DUSP14: variants seen among roughly 807,000 people sequenced by gnomAD.
DUSP14 encodes dual specificity phosphatase 14.
Under a neutral mutation model 13.2 loss-of-function variants are expected in DUSP14, and 5 were observed. The observed-to-expected ratio is 0.38, with a 90% CI of 0.20 to 0.80. The LOEUF is 0.80. Ranked by LOEUF, DUSP14 falls within the 30% of genes least tolerant of loss-of-function variation. DUSP14 has a pLI of 0.44. For synonymous variants in DUSP14, 91 were observed against 103.4 expected, an observed-to-expected ratio of 0.88 and a Z score of 0.73; for missense variants, 185 against 264.0, an observed-to-expected ratio of 0.70 and a Z score of 2.07.
intron 1 of DUSP14, among the ~76,000 whole-genome samples, chr17:37,499,771 C>T (rs2054093455): frequency 6.6e-6 from 1 of 152,128 alleles, no homozygotes; most frequent in Non-Finnish European, 1.5e-5. Context: ...CTCAGGTGAT[C>T]CACTCACCTC....
intron 1 of DUSP14, among the ~76,000 whole-genome samples, chr17:37,493,019 ATG>A (rs892925742): frequency 2.0e-5 from 3 of 151,926 alleles, no homozygotes; most frequent in Admixed American, 1.3e-4. Context: ...ATGTGTATGT[ATG>A]TGTGTGTGTA....
chr17:37,509,297 A>AGTGT (rs71135737), intron 1 of DUSP14, among the ~76,000 whole-genome samples: 472 of 26,522 alleles, frequency 0.018, 10 homozygotes, highest in Middle Eastern at 0.048. Flanking sequence ...ATATATATAT[A>AGTGT]GTGTGTGTGT....
At chr17:37,509,139 A>ATATATATATATG (rs1568204473) in intron 1 of DUSP14, among the ~76,000 whole-genome samples, 4 of 63,048 alleles carry the variant, frequency 6.3e-5, no homozygotes, top group African/African-American at 1.5e-4. Flanking sequence ...ACACACACAC[A>ATATATATATATG]CACACACACA....
intron 1 of DUSP14, among the ~76,000 whole-genome samples, chr17:37,506,254 G>C (rs1033987473): frequency 6.6e-6 from 1 of 151,666 alleles, no homozygotes; most frequent in Non-Finnish European, 1.5e-5. Flanking sequence ...GACAGAGAGA[G>C]ACTCCATCTC....
At chr17:37,496,059 C>T (rs1172324332) in intron 1 of DUSP14, among the ~76,000 whole-genome samples, 1 of 152,126 alleles carries the variant, frequency 6.6e-6, no homozygotes, top group Non-Finnish European at 1.5e-5. Context: ...AGAATTTTGC[C>T]AATTTAGCTA....
chr17:37,509,276 TATATATATATATATATATATA>T (rs1335108372), intron 1 of DUSP14, among the ~76,000 whole-genome samples: 5,980 of 36,448 alleles, frequency 0.16, 369 homozygotes, highest in South Asian at 0.26. Flanking sequence ...TATATATATA[TATATATATATATATATATATA>T]GTGTGTGTGT....
At chr17:37,499,427 A>T (rs932414463) in intron 1 of DUSP14, among the ~76,000 whole-genome samples, 11 of 151,724 alleles carry the variant, frequency 7.3e-5, no homozygotes, top group African/African-American at 2.4e-4. Context: ...GCAGCCTCGA[A>T]CTCCTGGGCT....
intron 1 of DUSP14, among the ~76,000 whole-genome samples, chr17:37,490,643 C>T (rs1487146382): frequency 1.3e-5 from 2 of 151,922 alleles, no homozygotes; most frequent in Non-Finnish European, 2.9e-5. Context: ...GGTAACTGGG[C>T]ATCCCAGAGG....
In DUSP14 at chr17:37,508,734, A is replaced by AATAT. The variant is rs35158443; in HGVS notation, c.-180-1928_-180-1925dup. On this transcript the variant is annotated intron_variant, in intron 1 of 2. Transcript: ENST00000617516. Reference sequence around the variant, plus strand: ...GGGTGACAGAGCCAGACTCCATCTCAATATATATATATATATATGTATGTA... The same window carrying AATAT: ...GGGTGACAGAGCCAGACTCCATCTCAATATATATATATATATATATATGTATGTA... Among the ~76,000 whole-genome samples the AATAT allele has an allele frequency of 8.5e-3, 1,226 of 144,126 alleles. 17 individuals carry two copies. The highest frequency in any genetic ancestry group is 0.025 in the African/African-American group (969 of 39,402). The allele number at this position is 144,126 out of a possible 152,430, so 94.6% of individuals were successfully genotyped here. A position where few individuals can be genotyped will look rare whatever the true frequency, so the allele number is the denominator to read the frequency against.
At chr17:37,508,527 A>G (rs1158737639) in intron 1 of DUSP14, among the ~76,000 whole-genome samples, 1 of 152,078 alleles carries the variant, frequency 6.6e-6, no homozygotes, top group East Asian at 1.9e-4. Flanking sequence ...TGAGGTCAGG[A>G]GTTTGAGACC....
intron 1 of DUSP14, among the ~76,000 whole-genome samples, chr17:37,496,964 C>G (rs140071079): frequency 1.7e-3 from 263 of 150,484 alleles, no homozygotes; most frequent in Middle Eastern, 3.4e-3. Context: ...GCAAATTAAC[C>G]AGCATCATAA....
chr17:37,513,222 T>C lies in DUSP14; in HGVS notation c.*353T>C, dbSNP rs1051849. The C allele has an allele frequency of 0.1, 25,992 of 249,120 alleles. 1,604 individuals are homozygous for C. Among genetic ancestry groups the C allele is most frequent in the East Asian group, 0.22 (2,474 of 11,116 alleles). The allele number at this position is 249,120 out of a possible 1,614,324, so 15.4% of individuals were successfully genotyped here. Reference sequence around the variant, plus strand: ...GGAGGAGCTCAGTGCAAAAATCACTTTGGGGCCTCATTAACCCTTTAGAGA... The same window carrying C: ...GGAGGAGCTCAGTGCAAAAATCACTCTGGGGCCTCATTAACCCTTTAGAGA... On this transcript the variant is annotated 3_prime_UTR_variant, in exon 3 of 3. Transcript: ENST00000617516.
At chr17:37,511,104 G>T (rs995181716) in intron 2 of DUSP14, among the ~76,000 whole-genome samples, 1 of 152,054 alleles carries the variant, frequency 6.6e-6, no homozygotes, top group Non-Finnish European at 1.5e-5. Flanking sequence ...GGGCTTCATC[G>T]TGGAGCTCAG....
At chr17:37,508,059 GGAC>G (rs2054149418) in intron 1 of DUSP14, among the ~76,000 whole-genome samples, 1 of 152,204 alleles carries the variant, frequency 6.6e-6, no homozygotes, top group African/African-American at 2.4e-5. Flanking sequence ...TTTCACCTGT[GGAC>G]TGCTCTGTGT....
At chr17:37,490,771 C>A (rs2054022603) in intron 1 of DUSP14, among the ~76,000 whole-genome samples, 1 of 151,868 alleles carries the variant, frequency 6.6e-6, no homozygotes, top group African/African-American at 2.4e-5. Context: ...TGTGTTAACT[C>A]GTTAGCTGTT....
At chr17:37,503,452 A>G (rs1302802550) in intron 1 of DUSP14, among the ~76,000 whole-genome samples, 1 of 152,206 alleles carries the variant, frequency 6.6e-6, no homozygotes, top group Non-Finnish European at 1.5e-5. Flanking sequence ...ACAAGGTTAC[A>G]TTGTAAGAAT....
rs1168635458 is a variant in DUSP14, at chr17:37,509,119, A to ATG, written c.-180-1557_-180-1556insGT. On this transcript the variant is annotated intron_variant, in intron 1 of 2. Transcript: ENST00000617516. Reference sequence around the variant, plus strand: ...AAAAAAAACCCATATATATATATATATATATATATACACACACACACACAC... The same window carrying ATG: ...AAAAAAAACCCATATATATATATATATGTATATATATACACACACACACACAC... Among the ~76,000 whole-genome samples the ATG allele has an allele frequency of 5.7e-4, 12 of 21,084 alleles. 2 individuals carry two copies. Among genetic ancestry groups the ATG allele is most frequent in the African/African-American group, 2.8e-3 (9 of 3,234 alleles). The allele number at this position is 21,084 out of a possible 152,430, so 13.8% of individuals were successfully genotyped here. A position where few individuals can be genotyped will look rare whatever the true frequency, so the allele number is the denominator to read the frequency against.
At chr17:37,506,579 C>T (rs1025685115) in intron 1 of DUSP14, among the ~76,000 whole-genome samples, 1 of 152,124 alleles carries the variant, frequency 6.6e-6, no homozygotes, top group Admixed American at 6.5e-5. Flanking sequence ...CCCTCAAATA[C>T]GGGTCAAACT....
intron 1 of DUSP14, among the ~76,000 whole-genome samples, chr17:37,504,648 G>C (rs1365410275): frequency 6.6e-6 from 1 of 152,048 alleles, no homozygotes; most frequent in Non-Finnish European, 1.5e-5. Flanking sequence ...TACAATCATG[G>C]CTCACTGCAG....
Sources: allele counts gnomAD v4.1 joint callset (sites outside exome capture counted in the v4.1 genomes callset), GRCh38; gene constraint gnomAD v4.1.1; transcripts MANE v1.5; gene names NCBI Gene and HGNC (gene_info 2026-07-23, HGNC 2026-07-21).